CADM1: variants seen among roughly 807,000 people sequenced by gnomAD.
CADM1 encodes cell adhesion molecule 1, also known as TSLC-1.
A neutral mutation model predicts 53.1 loss-of-function variants in CADM1; 15 were observed. The ratio of observed to expected loss-of-function variants is 0.28; its 90% CI spans 0.19 to 0.44. The LOEUF (loss-of-function observed/expected upper bound fraction) is 0.44. CADM1 is among the 20% of genes least tolerant of loss of function. The pLI is 1.00. For synonymous variants in CADM1, 281 were observed against 243.0 expected (o/e 1.16, Z -1.45); for missense variants, 434 against 611.3 (o/e 0.71, Z 3.06).
At chr11:115,438,906 C>CA (rs997676790) in intron 1 of CADM1, among the ~76,000 whole-genome samples, 15 of 151,464 alleles carry the variant, frequency 9.9e-5, no homozygotes, top group Admixed American at 2.0e-4. Context: ...CTGCATCAGT[C>CA]AAAAAAAAGA....
chr11:115,234,772 A>G (rs1941950914), intron 3 of CADM1, among the ~76,000 whole-genome samples: 1 of 151,936 alleles, frequency 6.6e-6, no homozygotes, highest in Non-Finnish European at 1.5e-5. Flanking sequence ...GGGCACTTGT[A>G]GTTCCAGCTA....
chr11:115,295,569 ATATAT>A (rs1944056838), intron 1 of CADM1, among the ~76,000 whole-genome samples: 1 of 142,304 alleles, frequency 7.0e-6, no homozygotes, highest in Non-Finnish European at 1.5e-5. Context: ...GTATATGCAC[ATATAT>A]AATATACACA....
intron 1 of CADM1, among the ~76,000 whole-genome samples, chr11:115,332,010 G>A (rs1341785262): frequency 6.6e-6 from 1 of 151,764 alleles, no homozygotes; most frequent in East Asian, 1.9e-4. Context: ...TACTAACAAT[G>A]CCCAGGTGCC....
chr11:115,290,610 C>T (rs1159443892), intron 1 of CADM1, among the ~76,000 whole-genome samples: 2 of 152,094 alleles, frequency 1.3e-5, no homozygotes, highest in African/African-American at 2.4e-5. Context: ...GCACAGAAGC[C>T]CCAATAAAAC....
At chr11:115,321,560 T>C (rs560784862) in intron 1 of CADM1, among the ~76,000 whole-genome samples, 21 of 152,330 alleles carry the variant, frequency 1.4e-4, no homozygotes, top group African/African-American at 5.1e-4. Flanking sequence ...ATAAAAATCT[T>C]CATATACTTT....
intron 1 of CADM1, among the ~76,000 whole-genome samples, chr11:115,364,150 G>A (rs772652300): frequency 6.6e-6 from 1 of 152,078 alleles, no homozygotes; most frequent in South Asian, 2.1e-4. Context: ...CTGTATATCT[G>A]TGATCTTTCT....
At chr11:115,273,105 A>G (rs1407710207) in intron 1 of CADM1, among the ~76,000 whole-genome samples, 1 of 152,184 alleles carries the variant, frequency 6.6e-6, no homozygotes, top group East Asian at 1.9e-4. Context: ...ACACATGAAC[A>G]CAGTAGATAT....
chr11:115,500,185 GATTT>G (rs1429893274), intron 1 of CADM1, among the ~76,000 whole-genome samples: 1 of 152,072 alleles, frequency 6.6e-6, no homozygotes, highest in Non-Finnish European at 1.5e-5. Context: ...GAATCCTTTG[GATTT>G]ATTTTGAATT....
rs56270694 is a variant in CADM1 at position 115,206,758 on chromosome 11, C to CT, written c.1078+2815dup. On this transcript the variant is annotated intron_variant, in intron 8 of 11. Transcript: ENST00000331581. ...AAAAGAAATAGATGACTGTGGACTTCTTTTTTTTTTTTTTTTTTTTTTTTT... is the reference window on the plus strand; with the variant it reads ...AAAAGAAATAGATGACTGTGGACTTCTTTTTTTTTTTTTTTTTTTTTTTTTT... Among the ~76,000 whole-genome samples the CT allele has an allele frequency of 1.4e-3, 55 of 38,230 alleles. 10 individuals are homozygous for CT. The highest frequency in any genetic ancestry group is 4.2e-3 in the East Asian group (3 of 714). The allele number at this position is 38,230 out of a possible 152,430, so 25.1% of individuals were successfully genotyped here.
intron 1 of CADM1, among the ~76,000 whole-genome samples, chr11:115,306,904 A>G (rs970268113): frequency 6.6e-6 from 1 of 151,978 alleles, no homozygotes; most frequent in African/African-American, 2.4e-5. Context: ...AAAACTCGAT[A>G]TCCAACTTAT....
Position 115,295,516 on chromosome 11 carries a change from A to T in CADM1, c.125-55096T>A, listed in dbSNP as rs1431810947. On this transcript the variant is annotated intron_variant, in intron 1 of 11. Transcript: ENST00000331581. ...TTTGATCAAGATATTTTATATATAT[A>T]TATATATATATATATATATATATAT... is the stretch of plus-strand genomic sequence containing the variant. Among the ~76,000 whole-genome samples the T allele has an allele frequency of 2.8e-4, 15 of 52,880 alleles. No homozygotes were observed. In the East Asian group the frequency reaches 0.023, roughly 80 times the overall value. 34.7% of individuals were successfully genotyped at this position (52,880 alleles called of 152,430 possible).
In CADM1 at chr11:115,328,713, T is replaced by C. The variant is rs11215495; in HGVS notation, c.125-88293A>G. Among the ~76,000 whole-genome samples the C allele has an allele frequency of 4.7e-3, 234 of 49,632 alleles. 60 individuals are homozygous for C. The highest frequency in any genetic ancestry group is 0.021 in the East Asian group (15 of 706). The allele number at this position is 49,632 out of a possible 152,430, so 32.6% of individuals were successfully genotyped here. On this transcript the variant is annotated intron_variant, in intron 1 of 11. Transcript: ENST00000331581. ...ATGTGTATATATATGTATATATATA[T>C]GTGTATATATATGTATATACATATA...
At chr11:115,316,827 A>G (rs1944679947) in intron 1 of CADM1, among the ~76,000 whole-genome samples, 1 of 152,174 alleles carries the variant, frequency 6.6e-6, no homozygotes, top group Non-Finnish European at 1.5e-5. Context: ...ACAAGGAATA[A>G]AACTGACTAT....
At chr11:115,228,498 G>C (rs1486099762) in intron 5 of CADM1, among the ~76,000 whole-genome samples, 4 of 152,164 alleles carry the variant, frequency 2.6e-5, no homozygotes, top group Admixed American at 6.5e-5. Flanking sequence ...CATAAGAATG[G>C]CTTTGTGCAG....
At chr11:115,396,488 C>CT (rs1199621026) in intron 1 of CADM1, among the ~76,000 whole-genome samples, 5 of 152,144 alleles carry the variant, frequency 3.3e-5, no homozygotes, top group African/African-American at 1.2e-4. Context: ...GTTGGCCAAC[C>CT]TTCAACAAGT....
At chr11:115,289,379 T>A (rs1441239262) in intron 1 of CADM1, among the ~76,000 whole-genome samples, 1 of 151,850 alleles carries the variant, frequency 6.6e-6, no homozygotes, top group African/African-American at 2.4e-5. Flanking sequence ...AATAAAAAAA[T>A]AAATAAATCA....
At chr11:115,318,558 T>C (rs1318166758) in intron 1 of CADM1, among the ~76,000 whole-genome samples, 1 of 152,196 alleles carries the variant, frequency 6.6e-6, no homozygotes, top group Non-Finnish European at 1.5e-5. Context: ...ATTAAGCTTT[T>C]AATACTTCAA....
At position 115,173,871 on chromosome 11, in the gene CADM1, T is replaced by A. The variant is rs908068461; in HGVS notation, c.*2603A>T. 4.7e-5 allele frequency: 46 copies of A among 969,326 alleles called. No homozygotes were observed. The highest frequency in any genetic ancestry group is 5.5e-5 in the Non-Finnish European group (45 of 815,296). 60.0% of individuals were successfully genotyped at this position (969,326 alleles called of 1,614,324 possible). On this transcript the variant is annotated 3_prime_UTR_variant, in exon 12 of 12. Coordinates refer to ENST00000331581, the MANE Select transcript of CADM1 (RefSeq NM_001301043.2). ...AAGCTTATTTGGCATCAATTATACATCCTTCATTATTTTATATTCCTTTAA... is the reference window on the plus strand; with the variant it reads ...AAGCTTATTTGGCATCAATTATACAACCTTCATTATTTTATATTCCTTTAA...
intron 5 of CADM1, among the ~76,000 whole-genome samples, chr11:115,218,720 A>G (rs45593334): frequency 6.6e-6 from 1 of 152,172 alleles, no homozygotes; most frequent in African/African-American, 2.4e-5. Flanking sequence ...CTGATCCATA[A>G]GTGCATTTCC....
Sources: gnomAD v4.1 joint callset for allele counts (sites outside exome capture counted in the v4.1 genomes callset) on GRCh38, gnomAD v4.1.1 for gene constraint, MANE v1.5 for transcripts, NCBI Gene and HGNC (gene_info 2026-07-23, HGNC 2026-07-21) for gene names.